ATAD2B: variants seen among roughly 807,000 people sequenced by gnomAD.
ATAD2B encodes ATPase family AAA domain-containing protein 2B.
A neutral mutation model predicts 167.6 loss-of-function variants in ATAD2B; 40 were observed. The observed-to-expected ratio is 0.24, with a 90% CI of 0.19 to 0.31. The LOEUF is 0.31. ATAD2B is among the 10% of genes least tolerant of loss of function. The pLI is 1.00. For missense variants in ATAD2B, 1,242 were observed against 1,757.2 expected (o/e 0.71, Z 5.24); for synonymous variants, 579 against 596.5 (o/e 0.97, Z 0.43).
At chr2:23,757,166 A>T (rs1017659487) in intron 25 of ATAD2B, among the ~76,000 whole-genome samples, 1 of 152,154 alleles carries the variant, frequency 6.6e-6, no homozygotes, top group Non-Finnish European at 1.5e-5. Flanking sequence ...GCAGAAGAGT[A>T]AGCGGCCAGT....
chr2:23,917,430 T>C (rs1184822582), intron 1 of ATAD2B, among the ~76,000 whole-genome samples: 15 of 152,208 alleles, frequency 9.9e-5, no homozygotes. Context: ...GTTTAAAGTA[T>C]GAAACATTTT....
chr2:23,926,654 G>A lies in ATAD2B; in HGVS notation c.117C>T (p.Ile39=). Residue 39 remains isoleucine, a synonymous_variant, in exon 1 of 28, where the codon ATC becomes ATT. Coordinates refer to ENST00000238789, the MANE Select transcript of ATAD2B (RefSeq NM_017552.4). ...TCTTGGAGGAGCGGGTCCGAGAGGA[G>A]ATGAAATGGCTGCTGCCTCCGGTCG... is the stretch of plus-strand genomic sequence containing the variant. The part of the protein sequence containing the change: ...PGATGGSSHF[I]SSRTRSSKTR... 6.4e-7 allele frequency: 1 copy of A among 1,562,896 alleles called. No homozygotes were observed. The highest frequency in any genetic ancestry group is 8.7e-7 in the Non-Finnish European group (1 of 1,154,418).
the ATAD2B span, chr2:23,693,575 C>G: frequency 7.9e-6 from 12 of 1,525,676 alleles, 1 homozygote; most frequent in East Asian, 9.9e-5. Context: ...GTTTGGGGTC[C>G]CCCTGCGGCA....
At chr2:23,796,151 G>T (rs919058295) in intron 19 of ATAD2B, among the ~76,000 whole-genome samples, 4 of 152,110 alleles carry the variant, frequency 2.6e-5, no homozygotes, top group African/African-American at 7.2e-5. Flanking sequence ...TATAAAACAT[G>T]TTATATAATC....
chr2:23,903,002 A>C (rs1263555440), intron 1 of ATAD2B, among the ~76,000 whole-genome samples: 1 of 152,136 alleles, frequency 6.6e-6, no homozygotes, highest in Non-Finnish European at 1.5e-5. Flanking sequence ...TGAGAGGTTG[A>C]GGTGGGCAGA....
At chr2:23,836,144 G>A (rs1689920579) in intron 13 of ATAD2B, among the ~76,000 whole-genome samples, 1 of 152,188 alleles carries the variant, frequency 6.6e-6, no homozygotes, top group Admixed American at 6.5e-5. Context: ...AGCCAGGCAT[G>A]GGGCAGCAAG....
At position 23,903,576 on chromosome 2, in the gene ATAD2B, T is replaced by C. The variant is rs1481888879; in HGVS notation, c.217-7606A>G. On this transcript the variant is annotated intron_variant, in intron 1 of 27. Transcript: ENST00000238789. The stretch of plus-strand genomic sequence containing the variant: ...ACCATAAATAGTGACTATTATTCTG[T>C]CATAAATCTTAAAAAGTGAGGCAAA... Among the ~76,000 whole-genome samples the C allele has an allele frequency of 5.9e-5, 9 of 152,300 alleles. 1 individual carries two copies. The highest frequency in any genetic ancestry group is 2.2e-4 in the African/African-American group (9 of 41,564).
At chr2:23,920,649 A>C (rs918140044) in intron 1 of ATAD2B, among the ~76,000 whole-genome samples, 2 of 152,196 alleles carry the variant, frequency 1.3e-5, no homozygotes, top group African/African-American at 4.8e-5. Flanking sequence ...TTAGAGGAGA[A>C]AGACTTTAGC....
chr2:23,839,385 T>C (rs1690518961), intron 13 of ATAD2B, among the ~76,000 whole-genome samples: 1 of 152,162 alleles, frequency 6.6e-6, no homozygotes, highest in Non-Finnish European at 1.5e-5. Flanking sequence ...TAAGTTTTTC[T>C]GCAGCTACCT....
In ATAD2B at chr2:23,873,830, A is replaced by G. The variant is rs1173599773; in HGVS notation, c.977+1999T>C. On this transcript the variant is annotated intron_variant, in intron 8 of 27. Transcript: ENST00000238789. ...TGTAACATTTTTAGGTGTGATACAA[A>G]TAACAATAATACAACAAAAATAGTG... Among the ~76,000 whole-genome samples the G allele has an allele frequency of 3.3e-5, 5 of 152,340 alleles. No individual in the cohort carries two copies. In the East Asian group the frequency reaches 5.8e-4, roughly 18 times the overall value.
chr2:23,698,406 G>A, the ATAD2B span, among the ~76,000 whole-genome samples: 1 of 152,164 alleles, frequency 6.6e-6, no homozygotes, highest in South Asian at 2.1e-4. Context: ...ACCCCCTTCG[G>A]GTAGGTTGCT....
Position 23,765,489 on chromosome 2 carries a change from T to A in ATAD2B, c.3256+17A>T. 1 of 1,596,812 alleles carries A rather than the reference T, an allele frequency of 6.3e-7. No homozygotes were observed. Among genetic ancestry groups the A allele is most frequent in the Non-Finnish European group, 8.6e-7 (1 of 1,169,528 alleles). On this transcript the variant is annotated intron_variant, in intron 23 of 27. Transcript: ENST00000238789. ...AGCACACTAGGCTTCAGTACCAAGT[T>A]TATTTCTACAACTTACCTCTTTTTA...
chr2:23,830,019 C>T (rs1319112943), intron 14 of ATAD2B, among the ~76,000 whole-genome samples: 1 of 152,064 alleles, frequency 6.6e-6, no homozygotes, highest in Non-Finnish European at 1.5e-5. Context: ...GAGTCTCACT[C>T]TATCACCCAG....
intron 13 of ATAD2B, among the ~76,000 whole-genome samples, chr2:23,838,921 A>C (rs1480761090): frequency 6.6e-6 from 1 of 152,168 alleles, no homozygotes; most frequent in Non-Finnish European, 1.5e-5. Flanking sequence ...AGAAAAGATA[A>C]TTGAAAAATA....
intron 22 of ATAD2B, among the ~76,000 whole-genome samples, chr2:23,779,830 T>A (rs1302658803): frequency 6.6e-6 from 1 of 152,226 alleles, no homozygotes; most frequent in Non-Finnish European, 1.5e-5. Context: ...CTAAGATGCA[T>A]GTATATATTC....
chr2:23,694,991 C>G, the ATAD2B span, among the ~76,000 whole-genome samples: 2 of 152,106 alleles, frequency 1.3e-5, no homozygotes, highest in Admixed American at 6.5e-5. Flanking sequence ...ATGGTGGTCT[C>G]GTTACTCATG....
chr2:23,828,606 C>G (rs1688590610), intron 15 of ATAD2B, among the ~76,000 whole-genome samples: 1 of 152,258 alleles, frequency 6.6e-6, no homozygotes, highest in African/African-American at 2.4e-5. Flanking sequence ...ATACCCAGCA[C>G]TCAATGAAAG....
At chr2:23,889,170 CT>C (rs1394585559) in intron 2 of ATAD2B, among the ~76,000 whole-genome samples, 2 of 151,936 alleles carry the variant, frequency 1.3e-5, no homozygotes, top group Non-Finnish European at 2.9e-5. Context: ...GACTGCCTTC[CT>C]TTTTTTCTCC....
chr2:23,722,883 C>A, the ATAD2B span, among the ~76,000 whole-genome samples: 1 of 152,324 alleles, frequency 6.6e-6, no homozygotes, highest in South Asian at 2.1e-4. Context: ...CAGCAGATTT[C>A]TTAGAAGAAA....
Sources: gnomAD v4.1 joint callset for allele counts (sites outside exome capture counted in the v4.1 genomes callset) on GRCh38, gnomAD v4.1.1 for gene constraint, MANE v1.5 for transcripts, NCBI Gene and HGNC (gene_info 2026-07-23, HGNC 2026-07-21) for gene names.